PLA2G5: variants seen among roughly 807,000 people sequenced by gnomAD.
PLA2G5 encodes Ca2+-dependent phospholipase A2.
Under a neutral mutation model 15.9 loss-of-function variants are expected in PLA2G5, and 12 were observed. The ratio of observed to expected loss-of-function variants is 0.76; its 90% CI spans 0.48 to 1.23. The LOEUF is 1.23. PLA2G5 is among the 50% of genes most tolerant of loss of function. The pLI is 0.00. For missense variants in PLA2G5, 169 were observed against 177.1 expected, an observed-to-expected ratio of 0.95 and a Z score of 0.26; for synonymous variants, 71 against 71.4, an observed-to-expected ratio of 0.99 and a Z score of 0.03.
chr1:20,091,127 G>A lies in PLA2G5; in HGVS notation c.*435G>A, dbSNP rs1356286380. The A allele has an allele frequency of 6.3e-6, 1 of 158,486 alleles. No individual in the cohort carries two copies. The highest frequency in any genetic ancestry group is 2.4e-5 in the African/African-American group (1 of 41,602). 9.8% of individuals were successfully genotyped at this position (158,486 alleles called of 1,614,324 possible). On this transcript the variant is annotated 3_prime_UTR_variant, in exon 5 of 5. Coordinates refer to ENST00000375108, the MANE Select transcript of PLA2G5 (RefSeq NM_000929.3). Reference sequence around the variant, plus strand: ...GCCAAATTGACTCTCTAAATCTGGTGTATGGGTATTAAATAAAATTCATTC... The same window carrying A: ...GCCAAATTGACTCTCTAAATCTGGTATATGGGTATTAAATAAAATTCATTC...
At chr1:20,068,875 G>A (rs1024183870), upstream of PLA2G5, 20 of 1,188,974 alleles carry the variant, frequency 1.7e-5, no homozygotes, top group Middle Eastern at 2.3e-4. Context: ...CCTGGAAGCC[G>A]CTGATACAGA....
At chr1:20,085,326 C>T (rs1258399796) in intron 2 of PLA2G5, among the ~76,000 whole-genome samples, 1 of 151,714 alleles carries the variant, frequency 6.6e-6, no homozygotes, top group Non-Finnish European at 1.5e-5. Flanking sequence ...GCTTTAGTCC[C>T]ATCCTGCGGC....
rs181670100 is a variant in PLA2G5, at chr1:20,088,314, C to T, written c.186-1475C>T. Among the ~76,000 whole-genome samples, 30 of 151,628 alleles carry T rather than the reference C, an allele frequency of 2.0e-4. 1 individual carries two copies. The East Asian group carries it at 5.2e-3, about 26-fold the overall frequency. On this transcript the variant is annotated intron_variant, in intron 3 of 4. Transcript: ENST00000375108. ...AGAGGTTTTGGTGGTGAGCTGAGAT[C>T]GCGCCATTGCACTCCAGCCTGGGCG...
intron 3 of PLA2G5, among the ~76,000 whole-genome samples, chr1:20,088,644 G>C (rs1436369351): frequency 1.3e-5 from 2 of 152,110 alleles, no homozygotes; most frequent in African/African-American, 4.8e-5. Context: ...TGTAAACCAA[G>C]AAAACCTTTT....
At chr1:20,076,212 C>T (rs1016357273) in intron 1 of PLA2G5, among the ~76,000 whole-genome samples, 23 of 152,114 alleles carry the variant, frequency 1.5e-4, no homozygotes, top group Non-Finnish European at 2.8e-4. Context: ...AGCATTTATA[C>T]ATTGGCAGCT....
rs11573214 is a variant in PLA2G5 at position 20,075,616 on chromosome 1, G to T, written c.-11+5151G>T. Among the ~76,000 whole-genome samples, 2,942 of 152,296 alleles carry T rather than the reference G, an allele frequency of 0.019. 193 individuals carry two copies. The East Asian group carries it at 0.22, about 11-fold the overall frequency. ...ACCATGCATCCAGCCTCAGTCCATG[G>T]TGTGCAGCTTGTATTGGCTTATGAG... On this transcript the variant is annotated intron_variant, in intron 1 of 4. Transcript: ENST00000375108.
rs754574030 is a variant in PLA2G5, at chr1:20,090,631, A to G, written c.356A>G (p.Lys119Arg). Residue 119 changes from lysine to arginine, a missense_variant, in exon 5 of 5, where the codon AAG becomes AGG. Coordinates refer to ENST00000375108, the MANE Select transcript of PLA2G5 (RefSeq NM_000929.3). ...ACDRKLVYCLKRNLRSYNPQY... is the reference protein window; with the variant it reads ...ACDRKLVYCLRRNLRSYNPQY... ...GACCGGAAGCTCGTCTACTGCCTCA[A>G]GAGAAACCTACGGAGCTACAACCCA... 1.5e-5 allele frequency: 25 copies of G among 1,613,930 alleles called. No individual in the cohort carries two copies. The highest frequency in any genetic ancestry group is 3.3e-5 in the South Asian group (3 of 91,080).
At chr1:20,084,892 T>C in intron 2 of PLA2G5, 22 bp downstream of exon 2, 1 of 1,570,164 alleles carries the variant, frequency 6.4e-7, no homozygotes, top group Non-Finnish European at 8.8e-7. Context: ...CCCCGTGACC[T>C]TCGAATGAAC....
upstream of PLA2G5, chr1:20,070,077 A>T (rs796465363): frequency 1.3e-5 from 5 of 399,082 alleles, no homozygotes; most frequent in Non-Finnish European, 1.7e-5. Flanking sequence ...CGTGACCTGG[A>T]TATTTCAGGA....
At chr1:20,072,368 C>G (rs2015423118) in intron 1 of PLA2G5, among the ~76,000 whole-genome samples, 4 of 152,000 alleles carry the variant, frequency 2.6e-5, no homozygotes. Context: ...GTGCCTGGCA[C>G]ATGATACGTG....
intron 1 of PLA2G5, among the ~76,000 whole-genome samples, chr1:20,028,886 T>G (rs1197568548): frequency 6.6e-6 from 1 of 152,206 alleles, no homozygotes; most frequent in African/African-American, 2.4e-5. Context: ...TTCAGTGCCC[T>G]GCTGCTCAAA....
chr1:20,029,251 C>T (rs1447859450), intron 1 of PLA2G5, among the ~76,000 whole-genome samples: 1 of 152,174 alleles, frequency 6.6e-6, no homozygotes, highest in African/African-American at 2.4e-5. Flanking sequence ...CCCCACCAAA[C>T]TCCATGTAGT....
intron 1 of PLA2G5, among the ~76,000 whole-genome samples, chr1:20,053,570 CG>C (rs60259205): frequency 0.2 from 19,961 of 97,824 alleles, 1,771 homozygotes; most frequent in East Asian, 0.26. Context: ...TATTACTTTG[CG>C]GGGGGGGGGG....
chr1:20,063,841 G>A (rs2014866838), intron 2 of PLA2G5, among the ~76,000 whole-genome samples: 1 of 152,266 alleles, frequency 6.6e-6, no homozygotes, highest in East Asian at 1.9e-4. Context: ...TAGCTATCAG[G>A]GAACACGAAA....
At chr1:20,041,397 G>A (rs983441631) in intron 1 of PLA2G5, among the ~76,000 whole-genome samples, 10 of 152,338 alleles carry the variant, frequency 6.6e-5, no homozygotes, top group Admixed American at 5.2e-4. Flanking sequence ...GGAGATAGGG[G>A]TGGGGCAGTT....
chr1:20,044,067 G>A (rs563522233), intron 1 of PLA2G5, among the ~76,000 whole-genome samples: 284 of 152,322 alleles, frequency 1.9e-3, no homozygotes, highest in Middle Eastern at 3.4e-3. Flanking sequence ...TTTCCAGTGG[G>A]TCCCTGCACA....
chr1:20,032,145 T>G (rs959789202), intron 1 of PLA2G5, among the ~76,000 whole-genome samples: 5 of 152,326 alleles, frequency 3.3e-5, no homozygotes, highest in Admixed American at 3.3e-4. Context: ...ACTTGTTGTT[T>G]TAAAAGGGCA....
intron 1 of PLA2G5, among the ~76,000 whole-genome samples, chr1:20,080,181 C>G (rs879398675): frequency 6.6e-6 from 1 of 152,082 alleles, no homozygotes; most frequent in African/African-American, 2.4e-5. Context: ...AGGCTGTGCC[C>G]TGGAGGGGGA....
chr1:20,060,738 CTT>C (rs5772879), intron 2 of PLA2G5, among the ~76,000 whole-genome samples: 58 of 144,120 alleles, frequency 4.0e-4, no homozygotes, highest in Admixed American at 1.0e-3. Flanking sequence ...TCTTTCTTTT[CTT>C]TTTTTTTTTT....
Sources: allele counts gnomAD v4.1 joint callset (sites outside exome capture counted in the v4.1 genomes callset), GRCh38; gene constraint gnomAD v4.1.1; transcripts MANE v1.5; gene names NCBI Gene and HGNC (gene_info 2026-07-23, HGNC 2026-07-21).